The following SPMAP2L variants were observed in gnomAD, a reference collection of about 807,000 sequenced individuals.
The protein encoded by SPMAP2L is sperm microtubule associated protein 2 like.
At chr4:56,600,952 A>T in the SPMAP2L span, 8 of 1,533,902 alleles carry the variant, frequency 5.2e-6, no homozygotes, top group Non-Finnish European at 8.7e-7. Flanking sequence ...TGCTGCCATG[A>T]TAGCTAAACC....
the SPMAP2L span, among the ~76,000 whole-genome samples, chr4:56,589,717 G>A: frequency 2.7e-5 from 4 of 148,462 alleles, no homozygotes; most frequent in African/African-American, 9.9e-5. Flanking sequence ...TGTTGTTGTT[G>A]TTGTTGTTTT....
chr4:56,594,392 A>G, the SPMAP2L span: 1 of 1,584,566 alleles, frequency 6.3e-7, no homozygotes, highest in African/African-American at 1.3e-5. Flanking sequence ...ATTTGCAAAC[A>G]TCCACCCCTT....
At chr4:56,581,219 C>T in the SPMAP2L span, among the ~76,000 whole-genome samples, 45 of 152,178 alleles carry the variant, frequency 3.0e-4, no homozygotes, top group Non-Finnish European at 6.5e-4. Flanking sequence ...CTTTGGGAGG[C>T]CGAGGCAGGC....
At chr4:56,586,296 T>C in the SPMAP2L span, among the ~76,000 whole-genome samples, 1 of 152,184 alleles carries the variant, frequency 6.6e-6, no homozygotes, top group South Asian at 2.1e-4. Flanking sequence ...CTTTTCTTGG[T>C]GAGGGCCCAC....
the SPMAP2L span, among the ~76,000 whole-genome samples, chr4:56,612,374 C>A: frequency 5.1e-4 from 78 of 151,996 alleles, no homozygotes; most frequent in African/African-American, 1.9e-3. Flanking sequence ...TTCTTTCTCA[C>A]TCTGTTGCCC....
chr4:56,608,097 C>T, the SPMAP2L span, among the ~76,000 whole-genome samples: 1 of 150,602 alleles, frequency 6.6e-6, no homozygotes, highest in Admixed American at 6.6e-5. Context: ...GTGGAAACTA[C>T]AGAAGTAAGT....
the SPMAP2L span, among the ~76,000 whole-genome samples, chr4:56,620,384 T>TC: frequency 7.4e-6 from 1 of 135,384 alleles, no homozygotes; most frequent in Non-Finnish European, 1.5e-5. Context: ...AATAGCCTTC[T>TC]AGTTTTTTTT....
chr4:56,535,312 A>AAATC, the SPMAP2L span, among the ~76,000 whole-genome samples: 1 of 152,234 alleles, frequency 6.6e-6, no homozygotes, highest in East Asian at 1.9e-4. Context: ...GGCAGAAATG[A>AAATC]AATCCACAGG....
chr4:56,573,861 A>G, the SPMAP2L span, among the ~76,000 whole-genome samples: 1 of 152,128 alleles, frequency 6.6e-6, no homozygotes, highest in African/African-American at 2.4e-5. Flanking sequence ...ACAGTCTTAT[A>G]TGCAGATTGA....
At chr4:56,611,972 A>C in the SPMAP2L span, among the ~76,000 whole-genome samples, 15 of 152,160 alleles carry the variant, frequency 9.9e-5, no homozygotes, top group African/African-American at 3.4e-4. Context: ...TTTCTGTCAA[A>C]TGCAAGTGTC....
At chr4:56,581,920 G>A in the SPMAP2L span, among the ~76,000 whole-genome samples, 7 of 152,172 alleles carry the variant, frequency 4.6e-5, no homozygotes, top group Non-Finnish European at 8.8e-5. Flanking sequence ...GTTTAATGGG[G>A]AAAAAATAGT....
the SPMAP2L span, among the ~76,000 whole-genome samples, chr4:56,567,705 A>G: frequency 1.3e-5 from 2 of 152,030 alleles, no homozygotes; most frequent in Admixed American, 1.3e-4. Flanking sequence ...AGAACTCCAG[A>G]TGGACAAATA....
chr4:56,608,138 T>G, the SPMAP2L span, among the ~76,000 whole-genome samples: 1 of 152,008 alleles, frequency 6.6e-6, no homozygotes, highest in Non-Finnish European at 1.5e-5. Context: ...AAAAAGAACC[T>G]TGGTTACATT....
chr4:56,545,769 T>C, the SPMAP2L span, among the ~76,000 whole-genome samples: 2 of 151,390 alleles, frequency 1.3e-5, no homozygotes, highest in Admixed American at 6.6e-5. Context: ...AAACACTTCC[T>C]TAACAATTAC....
At chr4:56,577,646 C>G in the SPMAP2L span, among the ~76,000 whole-genome samples, 1 of 152,156 alleles carries the variant, frequency 6.6e-6, no homozygotes, top group African/African-American at 2.4e-5. Context: ...TAAGAATACT[C>G]TGTTTAGCAA....
chr4:56,617,141 C>T, the SPMAP2L span, among the ~76,000 whole-genome samples: 3 of 152,134 alleles, frequency 2.0e-5, no homozygotes, highest in Non-Finnish European at 4.4e-5. Context: ...ATAGAGTGTA[C>T]TTGCGCAAAC....
the SPMAP2L span, chr4:56,593,572 G>A: frequency 6.1e-5 from 98 of 1,601,844 alleles, no homozygotes; most frequent in East Asian, 6.2e-4. Flanking sequence ...TGAGGCCACC[G>A]GGAGAATTTG....
At chr4:56,590,431 A>G in the SPMAP2L span, among the ~76,000 whole-genome samples, 2 of 152,238 alleles carry the variant, frequency 1.3e-5, no homozygotes, top group Non-Finnish European at 2.9e-5. Flanking sequence ...TTGTAAGGTA[A>G]TGAAGTACAA....
chr4:56,554,057 A>G, the SPMAP2L span, among the ~76,000 whole-genome samples: 7 of 151,454 alleles, frequency 4.6e-5, no homozygotes, highest in Admixed American at 4.0e-4. Flanking sequence ...TGATGTGGGT[A>G]CTATTTAGTT....
Sources: gnomAD v4.1 joint callset for allele counts (sites outside exome capture counted in the v4.1 genomes callset) on GRCh38, gnomAD v4.1.1 for gene constraint, MANE v1.5 for transcripts, NCBI Gene and HGNC (gene_info 2026-07-23, HGNC 2026-07-21) for gene names.